The following EDIL3 variants were observed in gnomAD, a reference collection of about 807,000 sequenced individuals.
EDIL3 encodes the protein EGF like and discoidin domains 3, also known as EGF-like repeat and discoidin I-like domain-containing protein 3.
Under a neutral mutation model 67.4 loss-of-function variants are expected in EDIL3, and 37 were observed. The observed-to-expected ratio is 0.55, with a 90% CI of 0.42 to 0.72. EDIL3 has a LOEUF of 0.72. EDIL3 is among the 30% of genes least tolerant of loss of function. The pLI is 0.00. For missense variants in EDIL3, 527 were observed against 586.3 expected (o/e 0.90, Z 1.04); for synonymous variants, 195 against 196.3 (o/e 0.99, Z 0.05).
intron 10 of EDIL3, among the ~76,000 whole-genome samples, chr5:83,955,323 A>G (rs1744495583): frequency 6.6e-6 from 1 of 151,750 alleles, no homozygotes; most frequent in South Asian, 2.1e-4. Context: ...AATAATAAAC[A>G]ACATTTAAAT....
chr5:84,267,077 T>A (rs987096452), intron 1 of EDIL3, among the ~76,000 whole-genome samples: 2 of 152,226 alleles, frequency 1.3e-5, no homozygotes, highest in East Asian at 3.9e-4. Context: ...AATGGTAAAG[T>A]AGTATTCACA....
chr5:84,222,044 G>A (rs1376908754), intron 3 of EDIL3, among the ~76,000 whole-genome samples: 2 of 151,900 alleles, frequency 1.3e-5, no homozygotes, highest in Non-Finnish European at 2.9e-5. Flanking sequence ...AGTCAGCCAT[G>A]CAGAATTAAA....
chr5:84,025,290 T>A (rs1055148409), intron 9 of EDIL3, among the ~76,000 whole-genome samples: 1 of 152,062 alleles, frequency 6.6e-6, no homozygotes, highest in Non-Finnish European at 1.5e-5. Flanking sequence ...AGGATGTGAA[T>A]GTCAGGCAAG....
intron 9 of EDIL3, among the ~76,000 whole-genome samples, chr5:84,039,922 A>G (rs183661950): frequency 1.4e-4 from 21 of 152,318 alleles, no homozygotes; most frequent in Admixed American, 1.4e-3. Flanking sequence ...AATGCTATAT[A>G]CAGTTTTACA....
At chr5:84,103,584 G>A (rs1747406749) in intron 6 of EDIL3, among the ~76,000 whole-genome samples, 1 of 151,904 alleles carries the variant, frequency 6.6e-6, no homozygotes, top group South Asian at 2.1e-4. Context: ...TTCAAAAGAA[G>A]ACATACATGC....
At chr5:84,230,696 C>T (rs891314855) in intron 2 of EDIL3, among the ~76,000 whole-genome samples, 1 of 151,364 alleles carries the variant, frequency 6.6e-6, no homozygotes. Context: ...CATGAGCCAC[C>T]GAACCCGGCC....
chr5:83,980,319 A>G (rs933580173), intron 9 of EDIL3, among the ~76,000 whole-genome samples: 2 of 152,012 alleles, frequency 1.3e-5, no homozygotes, highest in African/African-American at 4.8e-5. Flanking sequence ...TTTACTATAA[A>G]ACGGCAACAG....
chr5:84,268,116 G>A (rs1027660045), intron 1 of EDIL3, among the ~76,000 whole-genome samples: 7 of 152,124 alleles, frequency 4.6e-5, no homozygotes, highest in African/African-American at 1.7e-4. Flanking sequence ...CAAGCTGGGT[G>A]ACAGAGTGAG....
chr5:83,953,437 C>T (rs1744453944), intron 10 of EDIL3, among the ~76,000 whole-genome samples: 1 of 151,522 alleles, frequency 6.6e-6, no homozygotes, highest in Non-Finnish European at 1.5e-5. Context: ...GAAAAGTAAA[C>T]TTTGCTATTA....
At chr5:84,065,061 A>G (rs533829957) in intron 7 of EDIL3, among the ~76,000 whole-genome samples, 19 of 152,270 alleles carry the variant, frequency 1.2e-4, no homozygotes, top group Middle Eastern at 3.4e-3. Flanking sequence ...GGCTCATGAC[A>G]TGATCTATAT....
chr5:84,104,644 G>C (rs1183950948), intron 6 of EDIL3, among the ~76,000 whole-genome samples: 1 of 151,828 alleles, frequency 6.6e-6, no homozygotes, highest in Non-Finnish European at 1.5e-5. Flanking sequence ...TCATCCCACT[G>C]ACCTTAAAAG....
At chr5:84,023,515 G>C (rs7723673) in intron 9 of EDIL3, among the ~76,000 whole-genome samples, 1,561 of 152,082 alleles carry the variant, frequency 0.01, 34 homozygotes, top group African/African-American at 0.035. Context: ...CAAGAGTATA[G>C]CTACTGAGTA....
chr5:84,305,621 T>C (rs908971469), intron 1 of EDIL3, among the ~76,000 whole-genome samples: 2 of 152,224 alleles, frequency 1.3e-5, no homozygotes, highest in Non-Finnish European at 2.9e-5. Context: ...GGCTCACGCC[T>C]GTAATCCCGG....
chr5:84,012,685 C>T (rs1327656606), intron 9 of EDIL3, among the ~76,000 whole-genome samples: 1 of 152,104 alleles, frequency 6.6e-6, no homozygotes, highest in Non-Finnish European at 1.5e-5. Context: ...GAATTAAAAA[C>T]ATTCCATTTT....
At chr5:84,162,520 G>T (rs1476773042) in intron 4 of EDIL3, among the ~76,000 whole-genome samples, 2 of 152,054 alleles carry the variant, frequency 1.3e-5, no homozygotes, top group Non-Finnish European at 2.9e-5. Context: ...TGCTTTGTGG[G>T]CTCTTTTTTT....
At chr5:84,213,618 T>A (rs1380280280) in intron 3 of EDIL3, among the ~76,000 whole-genome samples, 2 of 152,212 alleles carry the variant, frequency 1.3e-5, no homozygotes, top group African/African-American at 2.4e-5. Context: ...CTAGATATTT[T>A]CTTATTTAGA....
chr5:84,238,948 C>T lies in EDIL3; in HGVS notation c.197-9064G>A, dbSNP rs113383801. 2.4e-3 allele frequency among the ~76,000 whole-genome samples: 372 copies of T among 152,170 alleles called. 1 individual carries two copies. The highest frequency in any genetic ancestry group is 8.3e-3 in the African/African-American group (346 of 41,528). On this transcript the variant is annotated intron_variant, in intron 2 of 10. Coordinates refer to ENST00000296591, the MANE Select transcript of EDIL3 (RefSeq NM_005711.5). ...CTAATCTTTTAGAATATTTTCAAGTCTTGAATGCAAACTATTAATTTCTAC... is the reference window on the plus strand; with the variant it reads ...CTAATCTTTTAGAATATTTTCAAGTTTTGAATGCAAACTATTAATTTCTAC...
intron 6 of EDIL3, among the ~76,000 whole-genome samples, chr5:84,088,940 A>C (rs1031654830): frequency 1.3e-5 from 2 of 152,220 alleles, no homozygotes; most frequent in Non-Finnish European, 2.9e-5. Flanking sequence ...TGTTCTGAAA[A>C]AGGCATTAAA....
At chr5:84,288,370 G>A (rs552916009) in intron 1 of EDIL3, among the ~76,000 whole-genome samples, 3 of 152,058 alleles carry the variant, frequency 2.0e-5, no homozygotes, top group African/African-American at 7.2e-5. Context: ...TATTTTTGAT[G>A]TTTTCACTAT....
Sources: allele counts gnomAD v4.1 joint callset (sites outside exome capture counted in the v4.1 genomes callset), GRCh38; gene constraint gnomAD v4.1.1; transcripts MANE v1.5; gene names NCBI Gene and HGNC (gene_info 2026-07-23, HGNC 2026-07-21).